The following REC114 variants were observed in gnomAD, a reference collection of about 807,000 sequenced individuals.
The protein encoded by REC114 is REC114 meiotic recombination protein.
In REC114, 27 loss-of-function variants were observed where a neutral mutation model predicts 31.3. The ratio of observed to expected loss-of-function variants is 0.86; its 90% CI spans 0.64 to 1.19. The LOEUF is 1.19. Ranked by LOEUF, REC114 falls within the 50% of genes most tolerant of loss-of-function variation. The probability of loss-of-function intolerance (pLI) is 0.00; values close to 1 mark genes in which losing one functional copy is unlikely to be tolerated. For synonymous variants in REC114, 134 were observed against 127.7 expected (o/e 1.05, Z -0.33); for missense variants, 344 against 326.9 (o/e 1.05, Z -0.40).
At chr15:73,526,053 T>G (rs4558379) in intron 2 of REC114, among the ~76,000 whole-genome samples, 84,864 of 151,990 alleles carry the variant, frequency 0.56, 23,927 homozygotes, top group African/African-American at 0.62. Flanking sequence ...TTTTCTTGAT[T>G]AATTTAACCC....
chr15:73,458,753 C>G (rs950733918), intron 1 of REC114, among the ~76,000 whole-genome samples: 1 of 152,172 alleles, frequency 6.6e-6, no homozygotes, highest in Non-Finnish European at 1.5e-5. Flanking sequence ...AGGAAGTTTC[C>G]TGTAAGCCAC....
intron 2 of REC114, among the ~76,000 whole-genome samples, chr15:73,539,314 G>A (rs62015535): frequency 0.41 from 42,775 of 103,138 alleles, 9,041 homozygotes; most frequent in Admixed American, 0.48. Flanking sequence ...TTTTTGAGAC[G>A]GAATCTCACT....
At chr15:73,523,076 G>T (rs945996064) in intron 2 of REC114, among the ~76,000 whole-genome samples, 1 of 152,016 alleles carries the variant, frequency 6.6e-6, no homozygotes, top group African/African-American at 2.4e-5. Context: ...ATCTTCCTTT[G>T]TGAAGTGTCT....
chr15:73,556,397 G>A lies in REC114; in HGVS notation c.636+6G>A, dbSNP rs756524837. The A allele has an allele frequency of 5.0e-6, 8 of 1,609,242 alleles. No individual in the cohort carries two copies. The highest frequency in any genetic ancestry group is 1.1e-5 in the South Asian group (1 of 90,318). On this transcript the variant is annotated splice_donor_region_variant and intron_variant, in intron 5 of 5. Coordinates refer to ENST00000331090, the MANE Select transcript of REC114 (RefSeq NM_001042367.2). ...CACTGACGCAGTTAGCTCAGGTAGA[G>A]CTTATTTCTGTGTTCAATTTTCTTG...
At chr15:73,473,564 C>A (rs1893164277) in intron 1 of REC114, among the ~76,000 whole-genome samples, 1 of 152,062 alleles carries the variant, frequency 6.6e-6, no homozygotes, top group African/African-American at 2.4e-5. Context: ...GCTCAGGACC[C>A]ACAACTCATG....
chr15:73,475,746 T>C (rs1487733232), intron 2 of REC114, among the ~76,000 whole-genome samples: 1 of 152,074 alleles, frequency 6.6e-6, no homozygotes, highest in Non-Finnish European at 1.5e-5. Flanking sequence ...AAAACCACCA[T>C]GAGATAACAA....
intron 2 of REC114, among the ~76,000 whole-genome samples, chr15:73,522,834 A>C (rs1893954190): frequency 6.6e-6 from 1 of 152,206 alleles, no homozygotes; most frequent in Admixed American, 6.5e-5. Context: ...TATATTCTTA[A>C]CTATGTAAGA....
chr15:73,444,896 A>G (rs973597695), intron 1 of REC114, among the ~76,000 whole-genome samples: 1 of 152,260 alleles, frequency 6.6e-6, no homozygotes, highest in Non-Finnish European at 1.5e-5. Context: ...GTTAGCAGGC[A>G]TGCAAACAAC....
intron 2 of REC114, among the ~76,000 whole-genome samples, chr15:73,495,724 G>A (rs543799141): frequency 3.0e-4 from 46 of 152,074 alleles, no homozygotes; most frequent in African/African-American, 9.9e-4. Context: ...TTTTCTCACA[G>A]TATTCAATTA....
intron 2 of REC114, among the ~76,000 whole-genome samples, chr15:73,505,680 C>T (rs542081197): frequency 2.0e-5 from 3 of 152,236 alleles, no homozygotes; most frequent in Non-Finnish European, 4.4e-5. Context: ...TACAGGCGCC[C>T]GCCACCATGC....
intron 1 of REC114, among the ~76,000 whole-genome samples, chr15:73,469,430 T>C (rs1893103927): frequency 1.3e-5 from 2 of 152,166 alleles, no homozygotes; most frequent in African/African-American, 4.8e-5. Flanking sequence ...TTTATCTTTT[T>C]AGTGAAAGAG....
chr15:73,465,727 G>A (rs988490609), intron 1 of REC114, among the ~76,000 whole-genome samples: 2 of 152,046 alleles, frequency 1.3e-5, no homozygotes, highest in African/African-American at 2.4e-5. Flanking sequence ...ATTATGCAGC[G>A]GACATTCTCT....
chr15:73,511,148 A>C (rs2141314737), intron 2 of REC114, among the ~76,000 whole-genome samples: 1 of 152,172 alleles, frequency 6.6e-6, no homozygotes, highest in Admixed American at 6.5e-5. Context: ...TCAGAGATTC[A>C]ACTTCTTCCT....
At chr15:73,502,522 TAAGG>T (rs1893616851) in intron 2 of REC114, among the ~76,000 whole-genome samples, 1 of 152,166 alleles carries the variant, frequency 6.6e-6, no homozygotes, top group African/African-American at 2.4e-5. Context: ...AAAATAATCA[TAAGG>T]AAGAGAAAAT....
At chr15:73,503,992 T>C (rs902270821) in intron 2 of REC114, among the ~76,000 whole-genome samples, 8 of 144,506 alleles carry the variant, frequency 5.5e-5, no homozygotes, top group African/African-American at 2.0e-4. Flanking sequence ...AATTCTCCCA[T>C]AGGAATTTTT....
rs376170807 is a variant in REC114, at chr15:73,556,271, A to C, written c.547-31A>C. On this transcript the variant is annotated intron_variant, in intron 4 of 5. Coordinates refer to ENST00000331090, the MANE Select transcript of REC114 (RefSeq NM_001042367.2). ...TTGGTATTTAAGATTACATTCAGCT[A>C]GTCTCCTTATTGCATGTTGTTTTAT... is the stretch of plus-strand genomic sequence containing the variant. The C allele has an allele frequency of 1.3e-4, 197 of 1,571,844 alleles. 2 individuals carry two copies. In the East Asian group the frequency reaches 3.4e-3, roughly 27 times the overall value.
chr15:73,559,105 A>G (rs779104623), intron 5 of REC114, among the ~76,000 whole-genome samples: 1 of 152,238 alleles, frequency 6.6e-6, no homozygotes, highest in Non-Finnish European at 1.5e-5. Flanking sequence ...AACTATATGG[A>G]GAAGAGATCA....
chr15:73,463,829 G>T (rs1283069880), intron 1 of REC114, among the ~76,000 whole-genome samples: 4 of 151,724 alleles, frequency 2.6e-5, no homozygotes, highest in African/African-American at 9.7e-5. Context: ...AAAAAGAGTT[G>T]GTTCCCTAGA....
intron 2 of REC114, among the ~76,000 whole-genome samples, chr15:73,538,840 C>A (rs1894198631): frequency 2.0e-5 from 3 of 151,424 alleles, no homozygotes; most frequent in South Asian, 4.2e-4. Flanking sequence ...TAGAGTACCA[C>A]AATTTACTTA....
Sources: gnomAD v4.1 joint callset for allele counts (sites outside exome capture counted in the v4.1 genomes callset) on GRCh38, gnomAD v4.1.1 for gene constraint, MANE v1.5 for transcripts, NCBI Gene and HGNC (gene_info 2026-07-23, HGNC 2026-07-21) for gene names.